CORO6: variants seen among roughly 807,000 people sequenced by gnomAD.
CORO6 encodes coronin-6.
CORO6 carries 43 observed loss-of-function variants against 49.0 expected under a neutral mutation model. That is an observed-to-expected ratio of 0.88 (90% CI 0.69 to 1.13). The LOEUF (loss-of-function observed/expected upper bound fraction) is 1.13. Among genes scored for constraint, CORO6 ranks in the 50% most tolerant of loss-of-function variants. CORO6 has a pLI of 0.00. For missense variants in CORO6, 650 were observed against 647.0 expected, an observed-to-expected ratio of 1.00 and a Z score of -0.05; for synonymous variants, 233 against 256.5, an observed-to-expected ratio of 0.91 and a Z score of 0.88.
rs539614410 is a variant in CORO6, at chr17:29,615,980, G to A, written c.1258C>T (p.Arg420Cys). ...GCGTCGCTGGCCGACTGGCTGCGGCGGGGGCCGGAGGGCGGGCGCACGTCC... is the reference window on the plus strand; with the variant it reads ...GCGTCGCTGGCCGACTGGCTGCGGCAGGGGCCGGAGGGCGGGCGCACGTCC... ...ILDVRPPSGPRRSQSASDAPL... is the reference protein window; with the variant it reads ...ILDVRPPSGPCRSQSASDAPL... The change falls in exon 10 of 11, where the codon CGC (arginine) becomes TGC (cysteine). Residue 420 changes from arginine to cysteine, a missense_variant. By Grantham distance (180) the Arg-to-Cys change is radical. Transcript: ENST00000388767. 1.3e-5 allele frequency: 21 copies of A among 1,580,864 alleles called. No homozygotes were observed. The highest frequency in any genetic ancestry group is 1.8e-5 in the Non-Finnish European group (21 of 1,161,240).
Position 29,621,572 on chromosome 17 carries a change from C to G in CORO6, c.-63-88G>C. The G allele has an allele frequency of 2.9e-6, 4 of 1,355,978 alleles. No individual in the cohort carries two copies. The highest frequency in any genetic ancestry group is 4.0e-6 in the Non-Finnish European group (4 of 1,011,302). 84.0% of individuals were successfully genotyped at this position (1,355,978 alleles called of 1,614,324 possible). On this transcript the variant is annotated intron_variant, in intron 1 of 10. Coordinates refer to ENST00000388767, the MANE Select transcript of CORO6 (RefSeq NM_032854.4). This position sits in a 1 kb window ranked among gnomAD's most constrained non-coding sequence, Gnocchi z 4.2. ...GTATAAATCCATATAGTGTCTGGTCCTAGAAGCAGGGAGCTTTCTTCAAGG... is the reference window on the plus strand; with the variant it reads ...GTATAAATCCATATAGTGTCTGGTCGTAGAAGCAGGGAGCTTTCTTCAAGG...
At chr17:29,619,546 C>A in intron 3 of CORO6, 105 bp downstream of exon 3, 1 of 1,168,964 alleles carries the variant, frequency 8.6e-7, no homozygotes, top group South Asian at 1.4e-5. Context: ...GCCCTGGGAC[C>A]CAGCACCTCC....
In CORO6 at chr17:29,616,124, C is replaced by T; in HGVS notation, c.1114G>A (p.Ala372Thr). The T allele has an allele frequency of 1.2e-6, 2 of 1,613,392 alleles. No individual in the cohort carries two copies. Among genetic ancestry groups the T allele is most frequent in the Admixed American group, 1.7e-5 (1 of 60,020 alleles). ...GATAGCCATTCGTCCGCTTCTAGGGCCGGCTCCGGGCCTGGCGTATCCGGG... is the reference window on the plus strand; with the variant it reads ...GATAGCCATTCGTCCGCTTCTAGGGTCGGCTCCGGGCCTGGCGTATCCGGG... ...LYPDTPGPEPALEADEWLSGQ... is the reference protein window; with the variant it reads ...LYPDTPGPEPTLEADEWLSGQ... Residue 372 changes from alanine (A) to threonine (T), a missense_variant, in exon 10 of 11, where the codon GCC becomes ACC. Ala to Thr is a moderately conservative substitution (Grantham distance 58). Coordinates refer to ENST00000388767, the MANE Select transcript of CORO6 (RefSeq NM_032854.4). The surrounding 1 kb of genome is among the most constrained non-coding windows in gnomAD (Gnocchi z 5.6).
In CORO6 at chr17:29,621,846, G is replaced by T. The variant is rs890744547; in HGVS notation, c.-63-362C>A. The T allele has an allele frequency of 1.4e-5, 3 of 217,916 alleles. No homozygotes were observed. Among genetic ancestry groups the T allele is most frequent in the African/African-American group, 6.8e-5 (3 of 44,302 alleles). The allele number at this position is 217,916 out of a possible 1,614,324, so 13.5% of individuals were successfully genotyped here. ...ACGGACGTGGTTGTAGCTCCCAGAG[G>T]CACCCTGTCCAGAAGCAGAAGACTT... On this transcript the variant is annotated intron_variant, in intron 1 of 10. Coordinates refer to ENST00000388767, the MANE Select transcript of CORO6 (RefSeq NM_032854.4). This position sits in a 1 kb window ranked among gnomAD's most constrained non-coding sequence, Gnocchi z 4.2.
In CORO6 at chr17:29,616,085, C is replaced by A. The variant is rs1334115169; in HGVS notation, c.1153G>T (p.Glu385Ter). ...TCCCTCAGCGAAATGAGCACGGGTT[C>A]GGCGTCCTGGCCGGATAGCCATTCG... The part of the protein sequence containing the change: ...ADEWLSGQDA[E>*]PVLISLRDGY... Residue 385 changes from glutamate (E) to a stop codon, truncating the protein, a stop_gained, in exon 10 of 11, where the codon GAA becomes TAA. Coordinates refer to ENST00000388767, the MANE Select transcript of CORO6 (RefSeq NM_032854.4). LOFTEE classifies it high-confidence loss of function. The surrounding 1 kb of genome is among the most constrained non-coding windows in gnomAD (Gnocchi z 5.6). 2 of 1,612,900 alleles carry A rather than the reference C, an allele frequency of 1.2e-6. No individual in the cohort carries two copies. The highest frequency in any genetic ancestry group is 2.7e-5 in the African/African-American group (2 of 74,918).
chr17:29,620,315 TG>T (rs1322916444), intron 2 of CORO6, among the ~76,000 whole-genome samples: 1 of 152,182 alleles, frequency 6.6e-6, no homozygotes, highest in Non-Finnish European at 1.5e-5. Flanking sequence ...AGGCTGCTTG[TG>T]GGGGTTCTGA....
At chr17:29,618,714 T>A in intron 5 of CORO6, 76 bp downstream of exon 5, 1 of 1,522,162 alleles carries the variant, frequency 6.6e-7, no homozygotes, top group Non-Finnish European at 8.9e-7. Flanking sequence ...GGGGCTCTGA[T>A]AATGGTGGGT....
In CORO6 at chr17:29,614,863, G is replaced by C. The variant is rs1219529332; in HGVS notation, c.*869C>G. 6.6e-6 allele frequency: 1 copy of C among 152,310 alleles called. No homozygotes were observed. The highest frequency in any genetic ancestry group is 2.4e-5 in the African/African-American group (1 of 41,448). 9.4% of individuals were successfully genotyped at this position (152,310 alleles called of 1,614,324 possible). The stretch of plus-strand genomic sequence containing the variant: ...AGAGCTCTAGGGTAAGAGGCTGCCT[G>C]ATGGACCCTGAGCCCAGGAGTGCAT... On this transcript the variant is annotated 3_prime_UTR_variant, in exon 11 of 11. Transcript: ENST00000388767.
chr17:29,619,804 A>T (rs1405544903), intron 2 of CORO6, 31 bp from the exon 3 acceptor site: 2 of 1,592,260 alleles, frequency 1.3e-6, no homozygotes, highest in South Asian at 2.2e-5. Context: ...ATGTGGGGCT[A>T]CTCTCCTGTG....
At chr17:29,620,633 G>A (rs2035261076) in intron 2 of CORO6, among the ~76,000 whole-genome samples, 2 of 152,150 alleles carry the variant, frequency 1.3e-5, no homozygotes, top group Non-Finnish European at 2.9e-5. Context: ...GGGGCTTAAG[G>A]TTATGAAGCT....
intron 5 of CORO6, chr17:29,618,222 G>C: frequency 8.3e-6 from 11 of 1,323,712 alleles, no homozygotes; most frequent in Non-Finnish European, 1.1e-5. Context: ...GACCGCTCTC[G>C]GCGCGCTTGC....
chr17:29,617,280 A>G, intron 6 of CORO6: 1 of 1,532,306 alleles, frequency 6.5e-7, no homozygotes, highest in Non-Finnish European at 8.7e-7. Flanking sequence ...AACCACCCCC[A>G]GGGACTCGGC....
chr17:29,619,860 TTATTACC>T, intron 2 of CORO6, 87 bp from the exon 3 acceptor site: 1 of 1,227,084 alleles, frequency 8.1e-7, no homozygotes, highest in Non-Finnish European at 1.2e-6. Flanking sequence ...TCTCGATTCC[TTATTACC>T]TATTTTCTCT....
In CORO6 at chr17:29,616,993, C is replaced by T; in HGVS notation, c.803G>A (p.Gly268Glu). 1 of 1,613,786 alleles carries T rather than the reference C, an allele frequency of 6.2e-7. No homozygotes were observed. The highest frequency in any genetic ancestry group is 1.3e-5 in the African/African-American group (1 of 75,004). ...GGGATCGTAAAAGGGCAATAGGACC[C>T]CGTTGCTTGTGTCCATCTCCTGCAG... is the stretch of plus-strand genomic sequence containing the variant. Reference protein sequence around the residue: ...VALQEMDTSNGVLLPFYDPDS... With the variant: ...VALQEMDTSNEVLLPFYDPDS... The change falls in exon 7 of 11, where the codon GGG becomes GAG. Residue 268 changes from glycine to glutamate, a missense_variant. Gly to Glu is a moderately conservative substitution (Grantham distance 98). Transcript: ENST00000388767. This position sits in a 1 kb window ranked among gnomAD's most constrained non-coding sequence, Gnocchi z 5.6.
chr17:29,617,781 G>A, intron 5 of CORO6, 162 bp from the exon 6 acceptor site: 1 of 808,928 alleles, frequency 1.2e-6, no homozygotes, highest in Non-Finnish European at 1.9e-6. Context: ...GCGGGGCCAC[G>A]TCTGGCCCCT....
Position 29,622,906 on chromosome 17 carries a change from A to T in CORO6, c.-282T>A. 3 of 1,125,868 alleles carry T rather than the reference A, an allele frequency of 2.7e-6. No homozygotes were observed. Among genetic ancestry groups the T allele is most frequent in the Non-Finnish European group, 3.3e-6 (3 of 910,114 alleles). The allele number at this position is 1,125,868 out of a possible 1,614,324, so 69.7% of individuals were successfully genotyped here. On this transcript the variant is annotated 5_prime_UTR_variant, in exon 1 of 11. Coordinates refer to ENST00000388767, the MANE Select transcript of CORO6 (RefSeq NM_032854.4). Reference sequence around the variant, plus strand: ...CCCAGCTGCCGCTGCCATCAACCTAAGAGGGCGGGGCTAGCATAGGGGCGG... The same window carrying T: ...CCCAGCTGCCGCTGCCATCAACCTATGAGGGCGGGGCTAGCATAGGGGCGG...
chr17:29,619,916 C>A, intron 2 of CORO6, 143 bp from the exon 3 acceptor site: 1 of 659,112 alleles, frequency 1.5e-6, no homozygotes, highest in East Asian at 2.7e-5. Context: ...CCATCCAGTC[C>A]ACTTCCTGCA....
chr17:29,616,371 T>A lies in CORO6; in HGVS notation c.1005-35A>T, dbSNP rs1380783961. The A allele has an allele frequency of 6.4e-7, 1 of 1,572,076 alleles. No homozygotes were observed. The highest frequency in any genetic ancestry group is 1.8e-5 in the Admixed American group (1 of 54,408). ...AGCAGGGTTCAGCACCCTCGCAGAC[T>A]TCCACGTCCTTAACTTCTCCTGTCT... is the stretch of plus-strand genomic sequence containing the variant. On this transcript the variant is annotated intron_variant, in intron 8 of 10. Coordinates refer to ENST00000388767, the MANE Select transcript of CORO6 (RefSeq NM_032854.4). This position sits in a 1 kb window ranked among gnomAD's most constrained non-coding sequence, Gnocchi z 5.6.
chr17:29,616,765 G>T lies in CORO6; in HGVS notation c.941C>A (p.Pro314Gln), dbSNP rs1213264125. Residue 314 changes from proline (P) to glutamine (Q), a missense_variant, in exon 8 of 11, where the codon CCG (proline) becomes CAG (glutamine). Pro to Gln is a moderately conservative substitution (Grantham distance 76). Coordinates refer to ENST00000388767, the MANE Select transcript of CORO6 (RefSeq NM_032854.4). The surrounding 1 kb of genome is among the most constrained non-coding windows in gnomAD (Gnocchi z 5.6). ...GGGCATGAAACCCATGCCCCGCTGC[G>T]GCTCTTTGCTGCTGAACGTGTTCAG... ...HYLNTFSSKE[P>Q]QRGMGFMPKR... The T allele has an allele frequency of 5.6e-6, 9 of 1,613,720 alleles. No individual in the cohort carries two copies. Among genetic ancestry groups the T allele is most frequent in the Non-Finnish European group, 7.6e-6 (9 of 1,179,960 alleles).
Sources: allele counts gnomAD v4.1 joint callset (sites outside exome capture counted in the v4.1 genomes callset), GRCh38; gene constraint gnomAD v4.1.1; non-coding constraint Gnocchi (gnomAD v3.1); transcripts MANE v1.5; gene names NCBI Gene and HGNC (gene_info 2026-07-23, HGNC 2026-07-21).